The following MALRD1 variants were observed in gnomAD, a reference collection of about 807,000 sequenced individuals.
MALRD1 encodes the protein MAM and LDL-receptor class A domain-containing protein 1.
In MALRD1, 247 loss-of-function variants were observed where a neutral mutation model predicts 242.1. The observed-to-expected ratio is 1.02, with a 90% CI of 0.92 to 1.13. The LOEUF (loss-of-function observed/expected upper bound fraction) is 1.13, where lower values mean the gene tolerates loss of function less well. Among genes scored for constraint, MALRD1 ranks in the 50% most tolerant of loss-of-function variants. The pLI is 0.00. For synonymous variants in MALRD1, 995 were observed against 866.6 expected (o/e 1.15, Z -2.60); for missense variants, 2,989 against 2,533.1 (o/e 1.18, Z -3.86).
intron 33 of MALRD1, among the ~76,000 whole-genome samples, chr10:19,591,698 G>C (rs868491816): frequency 6.6e-6 from 1 of 151,982 alleles, no homozygotes; most frequent in Non-Finnish European, 1.5e-5. Flanking sequence ...GGGATTCACC[G>C]TGTTGACCAG....
chr10:19,312,251 T>C (rs1487806413), intron 21 of MALRD1, among the ~76,000 whole-genome samples: 1 of 151,340 alleles, frequency 6.6e-6, no homozygotes, highest in Non-Finnish European at 1.5e-5. Flanking sequence ...TGTTTTTCCA[T>C]TGAATGTTTA....
intron 28 of MALRD1, among the ~76,000 whole-genome samples, chr10:19,412,093 G>A (rs138403860): frequency 1.3e-5 from 2 of 152,160 alleles, no homozygotes; most frequent in African/African-American, 2.4e-5. Context: ...GAATTCAGGA[G>A]TTCAAGACCA....
intron 36 of MALRD1, among the ~76,000 whole-genome samples, chr10:19,661,761 G>A (rs1414751388): frequency 3.3e-5 from 5 of 152,086 alleles, no homozygotes; most frequent in Non-Finnish European, 7.4e-5. Context: ...TTGTGCACAT[G>A]TACCCTAAAA....
chr10:19,474,416 G>T (rs1187212617), intron 29 of MALRD1, among the ~76,000 whole-genome samples: 1 of 152,050 alleles, frequency 6.6e-6, no homozygotes, highest in Non-Finnish European at 1.5e-5. Context: ...TTATCAAATA[G>T]TCAAGTCTTT....
In MALRD1 at chr10:19,097,911, A is replaced by T. The variant is rs538992883; in HGVS notation, c.598-6068A>T. Reference sequence around the variant, plus strand: ...GCACATCTCCCCATGATCTTTTTTTATCCTGTGTATAAACATGTATTGTAC... The same window carrying T: ...GCACATCTCCCCATGATCTTTTTTTTTCCTGTGTATAAACATGTATTGTAC... On this transcript the variant is annotated intron_variant, in intron 4 of 39. Transcript: ENST00000454679. Among the ~76,000 whole-genome samples the T allele has an allele frequency of 1.6e-4, 25 of 152,244 alleles. No individual in the cohort carries two copies. In the South Asian group the frequency reaches 2.5e-3, roughly 15 times the overall value.
intron 36 of MALRD1, among the ~76,000 whole-genome samples, chr10:19,667,862 A>G (rs1328401016): frequency 6.6e-6 from 1 of 152,120 alleles, no homozygotes; most frequent in Non-Finnish European, 1.5e-5. Flanking sequence ...CTTATAAACA[A>G]CACAAATTCT....
intron 31 of MALRD1, among the ~76,000 whole-genome samples, chr10:19,503,057 A>G (rs751618725): frequency 9.8e-5 from 15 of 152,294 alleles, no homozygotes; most frequent in Admixed American, 3.3e-4. Context: ...GCAGATTTAA[A>G]AAAAAGCAGT....
chr10:19,330,085 C>T (rs564174492), intron 23 of MALRD1, among the ~76,000 whole-genome samples: 1 of 152,128 alleles, frequency 6.6e-6, no homozygotes, highest in Non-Finnish European at 1.5e-5. Context: ...TTAAGAAAGT[C>T]ATAGTCCTTA....
intron 28 of MALRD1, among the ~76,000 whole-genome samples, chr10:19,420,448 A>T (rs1359597091): frequency 1.3e-5 from 2 of 151,598 alleles, no homozygotes; most frequent in Non-Finnish European, 2.9e-5. Flanking sequence ...AGTTATCTTC[A>T]TAAGGAAAAA....
chr10:19,255,354 T>G (rs1671491560), intron 18 of MALRD1, among the ~76,000 whole-genome samples: 1 of 151,916 alleles, frequency 6.6e-6, no homozygotes, highest in Non-Finnish European at 1.5e-5. Context: ...CTTCTATTCG[T>G]TCTCGGGGAA....
intron 31 of MALRD1, among the ~76,000 whole-genome samples, chr10:19,507,118 A>G (rs75176659): frequency 0.088 from 13,387 of 152,070 alleles, 847 homozygotes; most frequent in Non-Finnish European, 0.13. Context: ...CCAGGTCTCC[A>G]GAGAACTCAC....
chr10:19,673,020 C>T (rs925760272), intron 36 of MALRD1, among the ~76,000 whole-genome samples: 1 of 152,110 alleles, frequency 6.6e-6, no homozygotes, highest in Non-Finnish European at 1.5e-5. Context: ...CTGTTGATAA[C>T]TTAGGACATT....
chr10:19,406,429 TTGTC>T (rs1182799281), intron 28 of MALRD1, among the ~76,000 whole-genome samples: 5 of 152,136 alleles, frequency 3.3e-5, no homozygotes, highest in African/African-American at 1.2e-4. Flanking sequence ...TTCTCACACA[TTGTC>T]TGTTTGGATG....
At chr10:19,557,008 C>T (rs7895485) in intron 32 of MALRD1, among the ~76,000 whole-genome samples, 1 of 151,878 alleles carries the variant, frequency 6.6e-6, no homozygotes, top group Non-Finnish European at 1.5e-5. Context: ...TAGTGTCATC[C>T]CATTTTTGTT....
At position 19,528,769 on chromosome 10, in the gene MALRD1, A is replaced by G. The variant is rs541521895; in HGVS notation, c.5321-2425A>G. Among the ~76,000 whole-genome samples the G allele has an allele frequency of 2.6e-5, 4 of 152,274 alleles. No individual in the cohort carries two copies. The East Asian group carries it at 7.7e-4, about 29-fold the overall frequency. ...AAGGAGCTTGGAAGGCATCATTCCT[A>G]TCATCGTAGAAGGAAAGGTGAACCA... On this transcript the variant is annotated intron_variant, in intron 31 of 39. Transcript: ENST00000454679.
At chr10:19,613,957 C>T (rs1393880428) in intron 35 of MALRD1, among the ~76,000 whole-genome samples, 2 of 152,020 alleles carry the variant, frequency 1.3e-5, no homozygotes, top group South Asian at 2.1e-4. Flanking sequence ...CCGAAGTGCT[C>T]TTCTTGGTGT....
intron 38 of MALRD1, among the ~76,000 whole-genome samples, chr10:19,726,927 T>A (rs1490413688): frequency 6.6e-6 from 1 of 152,150 alleles, no homozygotes; most frequent in Non-Finnish European, 1.5e-5. Flanking sequence ...AGAATTTACC[T>A]GGGATTGGTT....
intron 21 of MALRD1, among the ~76,000 whole-genome samples, chr10:19,305,258 C>T (rs368405620): frequency 6.6e-6 from 1 of 151,594 alleles, no homozygotes; most frequent in East Asian, 1.9e-4. Flanking sequence ...GGAATCTAAT[C>T]GCAATCTAAC....
chr10:19,088,720 A>T (rs1040580945), intron 4 of MALRD1, among the ~76,000 whole-genome samples: 1 of 86,024 alleles, frequency 1.2e-5, no homozygotes, highest in African/African-American at 4.9e-5. Context: ...ATATCTCCCA[A>T]TGCTATCCCT....
Sources: allele counts gnomAD v4.1 joint callset (sites outside exome capture counted in the v4.1 genomes callset), GRCh38; gene constraint gnomAD v4.1.1; transcripts MANE v1.5; gene names NCBI Gene and HGNC (gene_info 2026-07-23, HGNC 2026-07-21).